TMCO4: variants seen among roughly 807,000 people sequenced by gnomAD.
TMCO4 encodes the protein transmembrane and coiled-coil domains 4, also known as transmembrane and coiled-coil domain-containing protein 4.
TMCO4 carries 58 observed loss-of-function variants against 64.7 expected under a neutral mutation model. The observed-to-expected ratio is 0.90, with a 90% CI of 0.73 to 1.12. The LOEUF (loss-of-function observed/expected upper bound fraction) is 1.12, where lower values mean the gene tolerates loss of function less well. Ranked by LOEUF, TMCO4 falls within the 50% of genes most tolerant of loss-of-function variation. The pLI is 0.00. For synonymous variants in TMCO4, 325 were observed against 346.1 expected, an observed-to-expected ratio of 0.94 and a Z score of 0.68; for missense variants, 780 against 825.9, an observed-to-expected ratio of 0.94 and a Z score of 0.68.
intron 6 of TMCO4, among the ~76,000 whole-genome samples, chr1:19,757,089 G>C (rs113818148): frequency 6.7e-6 from 1 of 149,324 alleles, no homozygotes; most frequent in Non-Finnish European, 1.5e-5. Flanking sequence ...CCAGGAGTTC[G>C]AGACCAGCCT....
At chr1:19,751,007 A>G (rs953034946) in intron 7 of TMCO4, among the ~76,000 whole-genome samples, 5 of 152,252 alleles carry the variant, frequency 3.3e-5, no homozygotes, top group Non-Finnish European at 7.3e-5. Context: ...TCTGGGTCTA[A>G]GGACAAAGAT....
At chr1:19,733,969 T>C (rs1570805173) in intron 13 of TMCO4, among the ~76,000 whole-genome samples, 3 of 152,328 alleles carry the variant, frequency 2.0e-5, no homozygotes, top group Middle Eastern at 6.8e-3. Flanking sequence ...AAGGACTCCA[T>C]GAAATAATAC....
At chr1:19,739,544 G>A (rs981994175) in intron 12 of TMCO4, among the ~76,000 whole-genome samples, 2 of 152,192 alleles carry the variant, frequency 1.3e-5, no homozygotes, top group African/African-American at 2.4e-5. Context: ...AGCCACTTTT[G>A]CTTCTGCCAG....
chr1:19,738,489 T>C (rs1338133762), intron 12 of TMCO4: 1 of 152,240 alleles, frequency 6.6e-6, no homozygotes, highest in Non-Finnish European at 1.5e-5. Context: ...TGTAAAATAG[T>C]ACATTTGTTT....
chr1:19,797,857 CTG>C (rs1365787060), intron 2 of TMCO4, among the ~76,000 whole-genome samples: 2 of 106,750 alleles, frequency 1.9e-5, no homozygotes, highest in Non-Finnish European at 3.5e-5. Flanking sequence ...GAGTGAGACT[CTG>C]TCAAAAAAAA....
At chr1:19,773,729 T>G (rs1246594158) in intron 4 of TMCO4, among the ~76,000 whole-genome samples, 2 of 152,160 alleles carry the variant, frequency 1.3e-5, no homozygotes, top group African/African-American at 4.8e-5. Context: ...ATAAGGTTGG[T>G]TGAGGATGAA....
chr1:19,770,629 T>C, intron 5 of TMCO4, 60 bp from the exon 6 acceptor site: 3 of 1,523,440 alleles, frequency 2.0e-6, no homozygotes, highest in Non-Finnish European at 2.7e-6. Context: ...GCGCGCTCAT[T>C]TGACAAATAT....
intron 13 of TMCO4, among the ~76,000 whole-genome samples, chr1:19,708,352 C>A (rs2095312885): frequency 6.6e-6 from 1 of 151,124 alleles, no homozygotes; most frequent in South Asian, 2.1e-4. Context: ...CACTTGGTAC[C>A]CCTAAAAGTC....
At chr1:19,695,826 G>A (rs1035001477) in intron 14 of TMCO4, among the ~76,000 whole-genome samples, 1 of 152,226 alleles carries the variant, frequency 6.6e-6, no homozygotes, top group East Asian at 1.9e-4. Flanking sequence ...GCTGTGTCCC[G>A]AAGTGAGATC....
chr1:19,776,896 G>A (rs1314420106), intron 4 of TMCO4, among the ~76,000 whole-genome samples: 3 of 151,904 alleles, frequency 2.0e-5, no homozygotes, highest in Admixed American at 6.6e-5. Context: ...GCATGGTGGC[G>A]TGCGCCTGTA....
intron 11 of TMCO4, among the ~76,000 whole-genome samples, chr1:19,740,234 G>A (rs1275518238): frequency 2.0e-5 from 3 of 152,196 alleles, no homozygotes; most frequent in Non-Finnish European, 2.9e-5. Flanking sequence ...TAACTCTGCA[G>A]TGGGGACCCC....
chr1:19,735,445 C>G (rs909955192), intron 13 of TMCO4, among the ~76,000 whole-genome samples: 2 of 152,142 alleles, frequency 1.3e-5, no homozygotes, highest in Non-Finnish European at 2.9e-5. Flanking sequence ...CCATGAGGAT[C>G]CAGGGGTGGG....
In TMCO4 at chr1:19,747,250, C is replaced by T; in HGVS notation, c.526G>A (p.Ala176Thr). The T allele has an allele frequency of 6.2e-7, 1 of 1,613,486 alleles. No homozygotes were observed. Among genetic ancestry groups the T allele is most frequent in the Middle Eastern group, 1.6e-4 (1 of 6,062 alleles). ...IKEEESEMAE[A>T]SRKKKENRRK... is the part of the protein sequence containing the mutation. The stretch of plus-strand genomic sequence containing the variant: ...CGGTTTTCTTTCTTCTTTCGGGATG[C>T]CTCGGCCATTCTGAGGGAAAAGAGG... Residue 176 changes from alanine (A) to threonine (T), a missense_variant, in exon 8 of 16, where the codon GCA becomes ACA. Coordinates refer to ENST00000294543, the MANE Select transcript of TMCO4 (RefSeq NM_181719.7).
rs548828999 is a variant in TMCO4, at chr1:19,763,229, C to T, written c.382+7313G>A. Among the ~76,000 whole-genome samples the T allele has an allele frequency of 3.3e-5, 5 of 152,212 alleles. No homozygotes were observed. In the South Asian group the frequency reaches 1.0e-3, roughly 32 times the overall value. On this transcript the variant is annotated intron_variant, in intron 6 of 15. Transcript: ENST00000294543. ...TAGCTGGGATCACAGGTACCCACCACCATGCCTGGTAACTTTTTGTATTTT... is the reference window on the plus strand; with the variant it reads ...TAGCTGGGATCACAGGTACCCACCATCATGCCTGGTAACTTTTTGTATTTT...
chr1:19,710,568 G>A (rs1169306786), intron 13 of TMCO4, among the ~76,000 whole-genome samples: 1 of 152,050 alleles, frequency 6.6e-6, no homozygotes, highest in East Asian at 1.9e-4. Flanking sequence ...TTTAACGATG[G>A]GAAGCCTAGC....
chr1:19,720,091 C>T (rs1324537679), intron 13 of TMCO4, among the ~76,000 whole-genome samples: 4 of 144,228 alleles, frequency 2.8e-5, no homozygotes, highest in Non-Finnish European at 6.0e-5. Context: ...GCGATCAATC[C>T]TCCTGCCTTG....
intron 2 of TMCO4, among the ~76,000 whole-genome samples, chr1:19,795,442 A>G (rs187587144): frequency 6.6e-6 from 1 of 152,228 alleles, no homozygotes; most frequent in Non-Finnish European, 1.5e-5. Flanking sequence ...ATTGCACTCC[A>G]GCCTGGGTGA....
intron 13 of TMCO4, among the ~76,000 whole-genome samples, chr1:19,705,042 G>A (rs1168606360): frequency 6.6e-6 from 1 of 152,160 alleles, no homozygotes; most frequent in Non-Finnish European, 1.5e-5. Flanking sequence ...CAGGCTCTCA[G>A]CAATGCATGG....
chr1:19,770,006 G>C (rs1174203661), intron 6 of TMCO4, among the ~76,000 whole-genome samples: 5 of 139,694 alleles, frequency 3.6e-5, no homozygotes, highest in Non-Finnish European at 8.0e-5. Flanking sequence ...TGAAAGCAGA[G>C]GTGAGGCTGG....
Sources: allele counts gnomAD v4.1 joint callset (sites outside exome capture counted in the v4.1 genomes callset), GRCh38; gene constraint gnomAD v4.1.1; transcripts MANE v1.5; gene names NCBI Gene and HGNC (gene_info 2026-07-23, HGNC 2026-07-21).